BTAF1: variants seen among roughly 807,000 people sequenced by gnomAD.
The protein encoded by BTAF1 is B-TFIID TATA-box binding protein associated factor 1.
In BTAF1, 38 loss-of-function variants were observed where a neutral mutation model predicts 227.1. That is an observed-to-expected ratio of 0.17 (90% CI 0.13 to 0.22). The LOEUF is 0.22. Ranked by LOEUF, BTAF1 falls within the 10% of genes least tolerant of loss-of-function variation. The pLI is 1.00. For synonymous variants in BTAF1, 742 were observed against 751.9 expected, an observed-to-expected ratio of 0.99 and a Z score of 0.21; for missense variants, 1,598 against 2,204.0, an observed-to-expected ratio of 0.73 and a Z score of 5.51.
Position 91,959,890 on chromosome 10 carries a change from A to C in BTAF1, c.1086+10A>C. 1 of 1,604,582 alleles carries C rather than the reference A, an allele frequency of 6.2e-7. No individual in the cohort carries two copies. Among genetic ancestry groups the C allele is most frequent in the Non-Finnish European group, 8.5e-7 (1 of 1,177,204 alleles). On this transcript the variant is annotated intron_variant, in intron 10 of 37. Coordinates refer to ENST00000265990, the MANE Select transcript of BTAF1 (RefSeq NM_003972.3). ...CTTTGTTTCTGATGAAGTAAGTATC[A>C]TTTAAGGGAGGCTTTGCCCAATCAA...
intron 25 of BTAF1, among the ~76,000 whole-genome samples, chr10:92,001,705 G>A (rs1261860932): frequency 1.3e-5 from 2 of 152,044 alleles, no homozygotes; most frequent in Non-Finnish European, 2.9e-5. Context: ...AACTTCAGAT[G>A]TTTGACATTC....
chr10:91,992,850 C>T (rs940007705), intron 21 of BTAF1, among the ~76,000 whole-genome samples: 16 of 152,088 alleles, frequency 1.1e-4, no homozygotes, highest in African/African-American at 2.9e-4. Context: ...CCTGTTACAC[C>T]GTACAGTCTT....
intron 1 of BTAF1, among the ~76,000 whole-genome samples, chr10:91,926,149 G>A (rs1003009575): frequency 2.6e-4 from 39 of 152,180 alleles, no homozygotes; most frequent in Non-Finnish European, 1.0e-4. Flanking sequence ...ACGAAGCACA[G>A]TTCTGTGCTA....
chr10:91,957,899 C>T (rs1846210618), intron 8 of BTAF1, among the ~76,000 whole-genome samples: 1 of 152,136 alleles, frequency 6.6e-6, no homozygotes, highest in South Asian at 2.1e-4. Flanking sequence ...CTTTTCCTTT[C>T]CTGATGACAC....
intron 14 of BTAF1, among the ~76,000 whole-genome samples, chr10:91,972,460 C>T (rs984300961): frequency 6.6e-6 from 1 of 152,202 alleles, no homozygotes; most frequent in African/African-American, 2.4e-5. Flanking sequence ...AATCAAATCT[C>T]TAGTGCGACA....
rs1293849485 is a variant in BTAF1 at position 91,981,742 on chromosome 10, C to T, written c.1855C>T (p.His619Tyr). 3.1e-6 allele frequency: 5 copies of T among 1,613,778 alleles called. No individual in the cohort carries two copies. The Admixed American group carries it at 5.0e-5, about 16-fold the overall frequency. Residue 619 changes from histidine to tyrosine, a missense_variant, in exon 16 of 38, where the codon CAT becomes TAT. Around this residue, in one of 10 missense-constraint regions of BTAF1, gnomAD observed 318 missense variants for 435.0 expected, o/e 0.73. Coordinates refer to ENST00000265990, the MANE Select transcript of BTAF1 (RefSeq NM_003972.3). ...GCTTTGCTTGATGATGCAGCCTTCT[C>T]ATTTACCTATCGATTTAAATATGTT... The part of the protein sequence containing the change: ...AWLCLMMQPS[H>Y]LPIDLNMLLE...
At chr10:92,025,753 CAG>C (rs1851460524) in intron 35 of BTAF1, among the ~76,000 whole-genome samples, 1 of 137,674 alleles carries the variant, frequency 7.3e-6, no homozygotes, top group South Asian at 2.2e-4. Context: ...TTGCAGTGAG[CAG>C]AGATTGGATT....
intron 14 of BTAF1, among the ~76,000 whole-genome samples, chr10:91,967,510 CTT>C (rs1847004740): frequency 1.3e-5 from 2 of 152,150 alleles, no homozygotes; most frequent in African/African-American, 2.4e-5. Context: ...ATAAGTGCCT[CTT>C]TTGTGTTCAC....
At chr10:91,996,681 C>CA in intron 24 of BTAF1, 111 bp downstream of exon 24, 2 of 914,670 alleles carry the variant, frequency 2.2e-6, no homozygotes, top group Non-Finnish European at 1.6e-6. Flanking sequence ...TGCCTTGTTC[C>CA]AAAAAATACC....
At chr10:91,948,699 T>TAA (rs11331302) in intron 4 of BTAF1, among the ~76,000 whole-genome samples, 10 of 142,926 alleles carry the variant, frequency 7.0e-5, no homozygotes, top group African/African-American at 2.3e-4. Context: ...TCTTTTTTAT[T>TAA]AAAAAAAAAA....
chr10:92,017,121 A>G (rs1409230924), intron 33 of BTAF1, among the ~76,000 whole-genome samples: 1 of 152,256 alleles, frequency 6.6e-6, no homozygotes, highest in African/African-American at 2.4e-5. Flanking sequence ...TGTAGAGATG[A>G]AAAATACTTA....
chr10:91,960,298 A>G (rs993779941), intron 11 of BTAF1, 144 bp downstream of exon 11: 9 of 801,834 alleles, frequency 1.1e-5, no homozygotes, highest in African/African-American at 1.1e-4. Flanking sequence ...AGAGAGTGTC[A>G]TAGAGATAGG....
At chr10:91,997,801 T>C (rs1849241409) in intron 25 of BTAF1, 50 bp downstream of exon 25, 2 of 1,585,178 alleles carry the variant, frequency 1.3e-6, no homozygotes, top group Non-Finnish European at 1.7e-6. Context: ...TATAACTTGA[T>C]CCATAATAAT....
intron 32 of BTAF1, among the ~76,000 whole-genome samples, chr10:92,015,233 A>C (rs1002680448): frequency 5.3e-5 from 8 of 152,212 alleles, no homozygotes; most frequent in African/African-American, 1.9e-4. Flanking sequence ...TTAAATGGAA[A>C]CTGTTCCTTG....
intron 2 of BTAF1, among the ~76,000 whole-genome samples, chr10:91,936,983 G>A (rs1844655896): frequency 6.6e-6 from 1 of 150,748 alleles, no homozygotes; most frequent in Non-Finnish European, 1.5e-5. Context: ...GGCTGTCAGC[G>A]TTTTCCTGTT....
rs1469175333 is a variant in BTAF1, at chr10:92,025,021, G to A, written c.5075+54G>A. 5 of 1,482,976 alleles carry A rather than the reference G, an allele frequency of 3.4e-6. No homozygotes were observed. The East Asian group carries it at 9.5e-5, about 28-fold the overall frequency. The allele number at this position is 1,482,976 out of a possible 1,614,324, so 91.9% of individuals were successfully genotyped here. On this transcript the variant is annotated intron_variant, in intron 35 of 37. Coordinates refer to ENST00000265990, the MANE Select transcript of BTAF1 (RefSeq NM_003972.3). ...AAATAAATATATTATTACTTACATAGAAGTTTGCCCCATGAAATATTTTCA... is the reference window on the plus strand; with the variant it reads ...AAATAAATATATTATTACTTACATAAAAGTTTGCCCCATGAAATATTTTCA...
chr10:91,962,453 CAT>C (rs1846593668), intron 11 of BTAF1, 83 bp from the exon 12 acceptor site: 6 of 955,612 alleles, frequency 6.3e-6, no homozygotes, highest in South Asian at 1.8e-5. Flanking sequence ...ATTTAGCTGT[CAT>C]GTGGCAAATT....
At position 91,992,230 on chromosome 10, in the gene BTAF1, C is replaced by T. The variant is rs1564701193; in HGVS notation, c.2966C>T (p.Pro989Leu). ...AAFAITSRRG[P>L]TPKAVKAQIA... ...TTTGCTATCACAAGTAGGCGAGGTCCTACCCCCAAAGCAGTAAAAGCTCAA... is the reference window on the plus strand; with the variant it reads ...TTTGCTATCACAAGTAGGCGAGGTCTTACCCCCAAAGCAGTAAAAGCTCAA... Residue 989 changes from proline (P) to leucine (L), a missense_variant, in exon 21 of 38, where the codon CCT (proline) becomes CTT (leucine). Pro to Leu is a moderately conservative substitution (Grantham distance 98). This residue lies in a region of BTAF1 where 425 missense variants were observed against 491.2 expected (regional missense o/e 0.87). Transcript: ENST00000265990. The T allele has an allele frequency of 6.2e-7, 1 of 1,613,910 alleles. No individual in the cohort carries two copies. The highest frequency in any genetic ancestry group is 8.5e-7 in the Non-Finnish European group (1 of 1,179,948).
chr10:91,934,655 C>A (rs900221883), intron 1 of BTAF1, among the ~76,000 whole-genome samples: 4 of 152,136 alleles, frequency 2.6e-5, no homozygotes, highest in African/African-American at 9.7e-5. Context: ...ATTAAAAGGT[C>A]TCCACGGTAG....
Sources: gnomAD v4.1 joint callset for allele counts (sites outside exome capture counted in the v4.1 genomes callset) on GRCh38, gnomAD v4.1.1 for gene constraint, gnomAD v4.1.1 regional missense constraint, MANE v1.5 for transcripts, NCBI Gene and HGNC (gene_info 2026-07-23, HGNC 2026-07-21) for gene names.